Variants in RALYL observed in about 807,000 individuals in gnomAD.
RALYL encodes RALY RNA binding protein like, also known as RNA-binding Raly-like protein.
In RALYL, 29 loss-of-function variants were observed where a neutral mutation model predicts 35.1. The observed-to-expected ratio is 0.83, with a 90% confidence interval of 0.61 to 1.13. The LOEUF (loss-of-function observed/expected upper bound fraction) is 1.13, where lower values mean the gene tolerates loss of function less well. Among genes scored for constraint, RALYL ranks in the 50% most tolerant of loss-of-function variants. The pLI, the probability that RALYL is intolerant of heterozygous loss-of-function variation, is 0.00. For synonymous variants in RALYL, 120 were observed against 127.6 expected (o/e 0.94, Z 0.40); for missense variants, 359 against 360.4 (o/e 1.00, Z 0.03).
chr8:84,370,904 A>AAGAC (rs1174879259), intron 1 of RALYL, among the ~76,000 whole-genome samples: 1 of 152,024 alleles, frequency 6.6e-6, no homozygotes, highest in East Asian at 1.9e-4. Flanking sequence ...AAGTGAGACA[A>AAGAC]AGACAGTTTC....
chr8:84,287,704 T>C (rs1455584694), intron 1 of RALYL, among the ~76,000 whole-genome samples: 1 of 152,180 alleles, frequency 6.6e-6, no homozygotes, highest in African/African-American at 2.4e-5. Flanking sequence ...AAGATGATGA[T>C]AGAAATATTC....
intron 3 of RALYL, among the ~76,000 whole-genome samples, chr8:84,801,158 T>G (rs893715879): frequency 6.6e-6 from 1 of 152,172 alleles, no homozygotes; most frequent in Non-Finnish European, 1.5e-5. Context: ...TGTGTCATCA[T>G]CATTTTGAGG....
At chr8:84,660,323 A>C (rs1316358707) in intron 2 of RALYL, among the ~76,000 whole-genome samples, 1 of 151,956 alleles carries the variant, frequency 6.6e-6, no homozygotes, top group Non-Finnish European at 1.5e-5. Context: ...TTATGTTATC[A>C]GTTCTTTCAC....
At chr8:84,225,376 C>T (rs1437524180) in intron 1 of RALYL, among the ~76,000 whole-genome samples, 1 of 152,168 alleles carries the variant, frequency 6.6e-6, no homozygotes, top group Non-Finnish European at 1.5e-5. Context: ...GATCATGTCA[C>T]AAGCTGGCTT....
At chr8:84,207,498 T>C (rs544260087) in intron 1 of RALYL, among the ~76,000 whole-genome samples, 19 of 152,070 alleles carry the variant, frequency 1.2e-4, no homozygotes, top group Admixed American at 7.2e-4. Context: ...ATATTACTTA[T>C]ATGTATAATC....
At chr8:84,706,189 C>T in intron 2 of RALYL, 1 of 838,006 alleles carries the variant, frequency 1.2e-6, no homozygotes, top group Non-Finnish European at 1.8e-6. Context: ...GCTTTTCTCA[C>T]CCTAACCTTT....
At chr8:84,407,079 C>CACAG (rs1554650916) in intron 1 of RALYL, among the ~76,000 whole-genome samples, 134 of 151,334 alleles carry the variant, frequency 8.9e-4, no homozygotes, top group African/African-American at 3.2e-3. Flanking sequence ...AACACACACA[C>CACAG]ACACACAAGA....
intron 1 of RALYL, among the ~76,000 whole-genome samples, chr8:84,442,573 C>T (rs969369976): frequency 2.0e-5 from 3 of 152,062 alleles, no homozygotes; most frequent in Admixed American, 2.0e-4. Flanking sequence ...TCCATGAGAG[C>T]TCCTCTGGAA....
intron 1 of RALYL, among the ~76,000 whole-genome samples, chr8:84,238,290 A>G (rs1198399436): frequency 1.3e-5 from 2 of 152,142 alleles, no homozygotes; most frequent in Non-Finnish European, 2.9e-5. Flanking sequence ...GATCGTATAC[A>G]TATTATGAGG....
intron 2 of RALYL, among the ~76,000 whole-genome samples, chr8:84,765,105 G>A (rs1813598220): frequency 6.6e-6 from 1 of 152,174 alleles, no homozygotes; most frequent in Admixed American, 6.5e-5. Flanking sequence ...ATTGCAGGCA[G>A]CACAGTTGGG....
At chr8:84,400,222 C>T (rs1357601386) in intron 1 of RALYL, among the ~76,000 whole-genome samples, 4 of 152,146 alleles carry the variant, frequency 2.6e-5, no homozygotes, top group African/African-American at 7.2e-5. Context: ...CAATTCTAAA[C>T]ATAAAATTTA....
chr8:84,774,515 G>A, intron 2 of RALYL, 64 bp from the exon 3 acceptor site: 1 of 1,036,584 alleles, frequency 9.6e-7, no homozygotes, highest in Non-Finnish European at 1.4e-6. Context: ...AAAAGTTCAT[G>A]ATTTACTTTT....
intron 1 of RALYL, among the ~76,000 whole-genome samples, chr8:84,501,319 A>G (rs553391647): frequency 1.3e-5 from 2 of 152,270 alleles, no homozygotes; most frequent in South Asian, 4.1e-4. Context: ...TGCCCTTCAA[A>G]TGTAATTACA....
intron 1 of RALYL, among the ~76,000 whole-genome samples, chr8:84,261,139 T>G (rs561911683): frequency 1.7e-4 from 26 of 152,034 alleles, no homozygotes; most frequent in African/African-American, 5.8e-4. Flanking sequence ...CTTTGATTAA[T>G]TCCTAAGTTT....
At chr8:84,276,949 A>G (rs117602252) in intron 1 of RALYL, among the ~76,000 whole-genome samples, 2,654 of 152,324 alleles carry the variant, frequency 0.017, 69 homozygotes, top group Non-Finnish European at 0.022. Context: ...CAAAAAATAA[A>G]CAGATAATTT....
intron 1 of RALYL, among the ~76,000 whole-genome samples, chr8:84,425,416 G>A (rs1456062963): frequency 6.6e-6 from 1 of 152,022 alleles, no homozygotes; most frequent in Non-Finnish European, 1.5e-5. Context: ...GCTCGCGCAC[G>A]GTGCGCTCAC....
At chr8:84,756,676 A>T (rs550698063) in intron 2 of RALYL, among the ~76,000 whole-genome samples, 1 of 152,244 alleles carries the variant, frequency 6.6e-6, no homozygotes, top group South Asian at 2.1e-4. Context: ...AATTAATTAT[A>T]TTCATATTTT....
chr8:84,403,524 GTTTTTTTTTT>G (rs769845435), intron 1 of RALYL, among the ~76,000 whole-genome samples: 32 of 39,480 alleles, frequency 8.1e-4, no homozygotes, highest in African/African-American at 1.6e-3. Context: ...CTATATCTCT[GTTTTTTTTTT>G]TTTTTTTTTT....
At chr8:84,638,867 CAT>C in intron 2 of RALYL, among the ~76,000 whole-genome samples, 1 of 102,126 alleles carries the variant, frequency 9.8e-6, no homozygotes, top group African/African-American at 4.7e-5. Context: ...CTAATGCACG[CAT>C]AAATATATAT....
Sources: allele counts gnomAD v4.1 joint callset (sites outside exome capture counted in the v4.1 genomes callset), GRCh38; gene constraint gnomAD v4.1.1; transcripts MANE v1.5; gene names NCBI Gene and HGNC (gene_info 2026-07-23, HGNC 2026-07-21).